Variants in FSTL4 observed in about 807,000 individuals in gnomAD.
FSTL4 encodes the protein follistatin like 4.
Under a neutral mutation model 78.2 loss-of-function variants are expected in FSTL4, and 28 were observed. The observed-to-expected ratio is 0.36, with a 90% CI of 0.27 to 0.49. The LOEUF is 0.49. Ranked by LOEUF, FSTL4 falls within the 20% of genes least tolerant of loss-of-function variation. The pLI is 0.98. For missense variants in FSTL4, 922 were observed against 1,084.9 expected, an observed-to-expected ratio of 0.85 and a Z score of 2.11; for synonymous variants, 422 against 440.5, an observed-to-expected ratio of 0.96 and a Z score of 0.53.
chr5:133,595,649 T>C (rs1318921223), intron 2 of FSTL4, among the ~76,000 whole-genome samples: 1 of 152,080 alleles, frequency 6.6e-6, no homozygotes, highest in Non-Finnish European at 1.5e-5. Context: ...GGGCGCACAG[T>C]CTTCTTGACA....
intron 7 of FSTL4, among the ~76,000 whole-genome samples, chr5:133,240,082 C>T (rs895010265): frequency 6.6e-6 from 1 of 152,196 alleles, no homozygotes; most frequent in African/African-American, 2.4e-5. Context: ...TTTACACTGA[C>T]TTTATCAGCT....
At chr5:133,242,327 A>G (rs1751898874) in intron 7 of FSTL4, among the ~76,000 whole-genome samples, 1 of 152,138 alleles carries the variant, frequency 6.6e-6, no homozygotes, top group Non-Finnish European at 1.5e-5. Context: ...TGTAGTGGCC[A>G]AGAGAGGCAC....
the FSTL4 span, among the ~76,000 whole-genome samples, chr5:133,763,929 A>G: frequency 1.3e-5 from 2 of 152,178 alleles, no homozygotes; most frequent in Non-Finnish European, 2.9e-5. Context: ...TCAATTCACC[A>G]GAGCCCAAGC....
chr5:133,210,448 CTCTG>C lies in FSTL4; in HGVS notation c.1609-154_1609-151del, dbSNP rs530351722. 511 of 414,820 alleles carry C rather than the reference CTCTG, an allele frequency of 1.2e-3. 5 individuals are homozygous for C. The highest frequency in any genetic ancestry group is 8.9e-3 in the African/African-American group (436 of 49,120). The allele number at this position is 414,820 out of a possible 1,614,324, so 25.7% of individuals were successfully genotyped here. A position where few individuals can be genotyped will look rare whatever the true frequency, so the allele number is the denominator to read the frequency against. Reference sequence around the variant, plus strand: ...TGGGAACCCAGGGCAGAAGCTTCCCCTCTGTCTTTTTTCTCAGAGGCATTATTAT... The same window carrying C: ...TGGGAACCCAGGGCAGAAGCTTCCCCTCTTTTTTCTCAGAGGCATTATTAT... On this transcript the variant is annotated intron_variant, in intron 13 of 15. Coordinates refer to ENST00000265342, the MANE Select transcript of FSTL4 (RefSeq NM_015082.2).
At chr5:133,729,092 A>T in the FSTL4 span, among the ~76,000 whole-genome samples, 1 of 152,170 alleles carries the variant, frequency 6.6e-6, no homozygotes, top group Non-Finnish European at 1.5e-5. Context: ...TGAGAGGAAC[A>T]ATTTCTGGAA....
the FSTL4 span, among the ~76,000 whole-genome samples, chr5:133,648,542 T>A: frequency 3.3e-5 from 5 of 152,112 alleles, no homozygotes; most frequent in Non-Finnish European, 5.9e-5. Context: ...ATCAACCCCC[T>A]ATGGTACATC....
Position 133,249,401 on chromosome 5 carries a change from G to A in FSTL4, c.894+9C>T. 1 of 1,611,648 alleles carries A rather than the reference G, an allele frequency of 6.2e-7. No homozygotes were observed. The highest frequency in any genetic ancestry group is 2.2e-5 in the East Asian group (1 of 44,866). Reference sequence around the variant, plus strand: ...CGCTTGAGCTCAGAGTGAATTCCAGGTGACTTACATTGATGTCTTCCAAGT... The same window carrying A: ...CGCTTGAGCTCAGAGTGAATTCCAGATGACTTACATTGATGTCTTCCAAGT... On this transcript the variant is annotated intron_variant, in intron 7 of 15. Coordinates refer to ENST00000265342, the MANE Select transcript of FSTL4 (RefSeq NM_015082.2).
At chr5:133,693,260 T>C in the FSTL4 span, among the ~76,000 whole-genome samples, 1 of 152,210 alleles carries the variant, frequency 6.6e-6, no homozygotes, top group Non-Finnish European at 1.5e-5. Context: ...AGAAAACTTT[T>C]AAAGATGGGC....
At chr5:133,459,877 T>C (rs1757558686) in intron 3 of FSTL4, among the ~76,000 whole-genome samples, 2 of 152,186 alleles carry the variant, frequency 1.3e-5, no homozygotes, top group Admixed American at 1.3e-4. Flanking sequence ...AGGCAAAGAA[T>C]CATGCCACAC....
the FSTL4 span, among the ~76,000 whole-genome samples, chr5:133,761,536 C>T: frequency 6.6e-6 from 1 of 152,134 alleles, no homozygotes; most frequent in Non-Finnish European, 1.5e-5. Flanking sequence ...CCCAGATTCC[C>T]AACAATCGTT....
At chr5:133,533,232 A>G (rs921981736) in intron 3 of FSTL4, among the ~76,000 whole-genome samples, 2 of 152,022 alleles carry the variant, frequency 1.3e-5, no homozygotes, top group Non-Finnish European at 2.9e-5. Context: ...GTTTCTGGGT[A>G]TTTGTTGGGT....
chr5:133,833,467 C>T, the FSTL4 span, among the ~76,000 whole-genome samples: 4 of 152,216 alleles, frequency 2.6e-5, no homozygotes, highest in South Asian at 4.1e-4. Flanking sequence ...TGAAACTTGA[C>T]AACATCTCCT....
At chr5:133,815,324 C>A in the FSTL4 span, among the ~76,000 whole-genome samples, 1 of 152,162 alleles carries the variant, frequency 6.6e-6, no homozygotes, top group East Asian at 1.9e-4. Context: ...TCAAAGGCTT[C>A]ATGATGATTT....
At chr5:133,637,974 T>A in the FSTL4 span, among the ~76,000 whole-genome samples, 6 of 150,814 alleles carry the variant, frequency 4.0e-5, no homozygotes, top group African/African-American at 1.2e-4. Flanking sequence ...ATAATAATAA[T>A]AATAAATTAA....
In FSTL4 at chr5:133,225,703, C is replaced by G. The variant is rs773461847; in HGVS notation, c.1132G>C (p.Gly378Arg). The G allele has an allele frequency of 6.2e-7, 1 of 1,611,598 alleles. No homozygotes were observed. The highest frequency in any genetic ancestry group is 1.3e-5 in the African/African-American group (1 of 74,816). The change falls in exon 9 of 16, where the codon GGC (glycine) becomes CGC (arginine). Residue 378 changes from glycine to arginine, a missense_variant. Physicochemically the swap from Gly to Arg is moderately radical, Grantham distance 125. Coordinates refer to ENST00000265342, the MANE Select transcript of FSTL4 (RefSeq NM_015082.2). The surrounding 1 kb of genome is among the most constrained non-coding windows in gnomAD (Gnocchi z 4.6). ...PMPRITWLKNGVDVSTQMSKQ... is the reference protein window; with the variant it reads ...PMPRITWLKNRVDVSTQMSKQ... ...GACATCTGAGTTGAGACATCCACGC[C>G]GTTTTTCAGCCAAGTGATTCTGGGC...
intron 3 of FSTL4, chr5:133,458,334 A>C (rs2112835356): frequency 6.6e-6 from 1 of 152,352 alleles, no homozygotes; most frequent in Non-Finnish European, 1.5e-5. Flanking sequence ...GTCCTTCAGA[A>C]AATGGTAATG....
the FSTL4 span, among the ~76,000 whole-genome samples, chr5:133,714,096 C>A: frequency 6.6e-6 from 1 of 152,120 alleles, no homozygotes; most frequent in East Asian, 1.9e-4. Context: ...GCACCAAGGG[C>A]TCGTCTGGGC....
At chr5:133,514,464 G>A (rs186278640) in intron 3 of FSTL4, among the ~76,000 whole-genome samples, 257 of 152,252 alleles carry the variant, frequency 1.7e-3, no homozygotes, top group Non-Finnish European at 2.4e-3. Flanking sequence ...ATGACATGTT[G>A]GACAAACTTT....
chr5:133,212,598 A>C (rs566681903), intron 13 of FSTL4, among the ~76,000 whole-genome samples: 2 of 152,368 alleles, frequency 1.3e-5, no homozygotes, highest in South Asian at 4.1e-4. Context: ...ATTGAAGCAG[A>C]AAGAGACATG....
Sources: gnomAD v4.1 joint callset for allele counts (sites outside exome capture counted in the v4.1 genomes callset) on GRCh38, gnomAD v4.1.1 for gene constraint, Gnocchi (gnomAD v3.1) non-coding constraint, MANE v1.5 for transcripts, NCBI Gene and HGNC (gene_info 2026-07-23, HGNC 2026-07-21) for gene names.